The following BCAS3 variants were observed in gnomAD, a reference collection of about 807,000 sequenced individuals.
BCAS3 encodes BCAS4/BCAS3 fusion.
BCAS3 carries 53 observed loss-of-function variants against 116.1 expected under a neutral mutation model. The observed-to-expected ratio is 0.46, with a 90% CI of 0.37 to 0.57. BCAS3 has a LOEUF of 0.57. Among genes scored for constraint, BCAS3 ranks in the 20% least tolerant of loss-of-function variants. BCAS3 has a pLI of 0.00. For synonymous variants in BCAS3, 391 were observed against 408.2 expected (o/e 0.96, Z 0.51); for missense variants, 917 against 1,165.4 (o/e 0.79, Z 3.10).
intron 22 of BCAS3, among the ~76,000 whole-genome samples, chr17:61,221,133 C>A (rs1022957238): frequency 6.6e-6 from 1 of 152,144 alleles, no homozygotes; most frequent in East Asian, 1.9e-4. Flanking sequence ...ATAGTAGAAT[C>A]CCAGTGTTAC....
chr17:61,391,901 G>A lies in BCAS3; in HGVS notation c.2594-76G>A, dbSNP rs1334014996. Reference sequence around the variant, plus strand: ...AACCCAGAATGGTGCCTCAAGGCAGGCAGCCTGGCCCAGATGGTGCCCCCA... The same window carrying A: ...AACCCAGAATGGTGCCTCAAGGCAGACAGCCTGGCCCAGATGGTGCCCCCA... On this transcript the variant is annotated intron_variant, in intron 23 of 23. Transcript: ENST00000407086. The surrounding 1 kb of genome is among the most constrained non-coding windows in gnomAD (Gnocchi z 7.7). 5 of 1,517,948 alleles carry A rather than the reference G, an allele frequency of 3.3e-6. No individual in the cohort carries two copies. In the African/African-American group the frequency reaches 6.9e-5, roughly 21 times the overall value. The allele number at this position is 1,517,948 out of a possible 1,614,324, so 94.0% of individuals were successfully genotyped here. A position where few individuals can be genotyped will look rare whatever the true frequency, so the allele number is the denominator to read the frequency against.
chr17:60,997,929 T>G (rs1011810248), intron 15 of BCAS3, among the ~76,000 whole-genome samples: 3 of 152,186 alleles, frequency 2.0e-5, no homozygotes, highest in Non-Finnish European at 4.4e-5. Context: ...AGGTTGGACT[T>G]CCATTGATTC....
At chr17:60,809,593 A>C (rs1182800911) in intron 7 of BCAS3, among the ~76,000 whole-genome samples, 1 of 152,168 alleles carries the variant, frequency 6.6e-6, no homozygotes, top group Non-Finnish European at 1.5e-5. Context: ...ATTTTCGCTC[A>C]TCTCTGAGTG....
chr17:60,866,130 T>C (rs866657761), intron 7 of BCAS3, among the ~76,000 whole-genome samples: 1 of 151,842 alleles, frequency 6.6e-6, no homozygotes, highest in Non-Finnish European at 1.5e-5. Flanking sequence ...TTTTATTTGC[T>C]AATTTTTTTT....
intron 7 of BCAS3, among the ~76,000 whole-genome samples, chr17:60,831,870 A>G (rs1002366126): frequency 1.3e-5 from 2 of 151,954 alleles, no homozygotes; most frequent in Non-Finnish European, 2.9e-5. Context: ...AAGTAATGTC[A>G]TTTTTAATTT....
At chr17:61,322,800 G>GAGAGAGAGAGAGAGAGAGAGAGAC (rs1568850058) in intron 22 of BCAS3, among the ~76,000 whole-genome samples, 3 of 114,416 alleles carry the variant, frequency 2.6e-5, no homozygotes, top group Admixed American at 8.9e-5. Flanking sequence ...GAGACAGAGA[G>GAGAGAGAGAGAGAGAGAGAGAGAC]AGAGAGAGAG....
chr17:61,053,773 A>G (rs1191363949), intron 19 of BCAS3, among the ~76,000 whole-genome samples: 1 of 152,220 alleles, frequency 6.6e-6, no homozygotes, highest in Admixed American at 6.5e-5. Flanking sequence ...AAGAGTGTTT[A>G]TAGTCCATTG....
rs571240679 is a variant in BCAS3 at position 60,785,451 on chromosome 17, G to T, written c.404-22553G>T. Among the ~76,000 whole-genome samples the T allele has an allele frequency of 2.6e-5, 4 of 152,250 alleles. No homozygotes were observed. The East Asian group carries it at 7.7e-4, about 29-fold the overall frequency. ...TGGGATTACAGGAATGAGCCACTGC[G>T]CCCAGCCAGTAGTTTCCCTTTTGAA... On this transcript the variant is annotated intron_variant, in intron 6 of 23. Coordinates refer to ENST00000407086, the MANE Select transcript of BCAS3 (RefSeq NM_017679.5).
intron 17 of BCAS3, among the ~76,000 whole-genome samples, chr17:61,035,845 G>T (rs2066986302): frequency 6.6e-6 from 1 of 152,148 alleles, no homozygotes; most frequent in Non-Finnish European, 1.5e-5. Flanking sequence ...GCTGGACAAA[G>T]GATGATTCAT....
At chr17:61,090,891 G>A (rs527672068) in intron 22 of BCAS3, among the ~76,000 whole-genome samples, 31 of 152,246 alleles carry the variant, frequency 2.0e-4, no homozygotes, top group South Asian at 1.5e-3. Flanking sequence ...TCCTGACCTC[G>A]CGATCCACAT....
chr17:60,774,114 T>C (rs1015357259), intron 6 of BCAS3, among the ~76,000 whole-genome samples: 1 of 152,214 alleles, frequency 6.6e-6, no homozygotes, highest in African/African-American at 2.4e-5. Context: ...GCTCACTTGA[T>C]GTCGTTTCAC....
At chr17:60,816,298 C>T (rs535146267) in intron 7 of BCAS3, among the ~76,000 whole-genome samples, 5 of 130,758 alleles carry the variant, frequency 3.8e-5, no homozygotes, top group South Asian at 2.2e-4. Context: ...TTTTTTGAGA[C>T]GGAGTCTTGC....
At chr17:61,154,610 C>T (rs560694805) in intron 22 of BCAS3, among the ~76,000 whole-genome samples, 28 of 151,892 alleles carry the variant, frequency 1.8e-4, no homozygotes, top group Admixed American at 1.7e-3. Flanking sequence ...AATTTTTTTA[C>T]TTTTTATTTT....
At chr17:60,950,083 C>T (rs1186409703) in intron 14 of BCAS3, among the ~76,000 whole-genome samples, 1 of 151,942 alleles carries the variant, frequency 6.6e-6, no homozygotes, top group African/African-American at 2.4e-5. Flanking sequence ...AGACATTTTT[C>T]AGACAAGTTG....
chr17:61,089,714 TA>T (rs903098118), intron 22 of BCAS3, among the ~76,000 whole-genome samples: 2 of 151,728 alleles, frequency 1.3e-5, no homozygotes, highest in Admixed American at 6.6e-5. Context: ...GTATTTTTAG[TA>T]GAGTCGGGGT....
At chr17:61,311,377 T>C (rs950663852) in intron 22 of BCAS3, among the ~76,000 whole-genome samples, 1 of 152,204 alleles carries the variant, frequency 6.6e-6, no homozygotes, top group Non-Finnish European at 1.5e-5. Flanking sequence ...AGGGCACCTC[T>C]CCAAGATTGG....
chr17:60,794,735 G>T (rs2144557654), intron 6 of BCAS3, among the ~76,000 whole-genome samples: 1 of 152,162 alleles, frequency 6.6e-6, no homozygotes, highest in South Asian at 2.1e-4. Flanking sequence ...TTTATTTCTG[G>T]GTTCTCTACT....
chr17:60,942,181 T>A (rs1382706461), intron 13 of BCAS3, among the ~76,000 whole-genome samples: 1 of 152,164 alleles, frequency 6.6e-6, no homozygotes, highest in Non-Finnish European at 1.5e-5. Flanking sequence ...ACACCAGCAC[T>A]TTGGGAGGCT....
Position 61,087,331 on chromosome 17 carries a change from C to T in BCAS3, c.2425+2767C>T. Reference sequence around the variant, plus strand: ...TCATGGATTATCTTCTTAATTATTCCTATGGCACATGTTACACCTAACCCT... The same window carrying T: ...TCATGGATTATCTTCTTAATTATTCTTATGGCACATGTTACACCTAACCCT... On this transcript the variant is annotated intron_variant, in intron 22 of 23. Transcript: ENST00000407086. The surrounding 1 kb of genome is among the most constrained non-coding windows in gnomAD (Gnocchi z 4.6). 1 of 497,090 alleles carries T rather than the reference C, an allele frequency of 2.0e-6. No individual in the cohort carries two copies. 30.8% of individuals were successfully genotyped at this position (497,090 alleles called of 1,614,324 possible).
Sources: allele counts gnomAD v4.1 joint callset (sites outside exome capture counted in the v4.1 genomes callset), GRCh38; gene constraint gnomAD v4.1.1; non-coding constraint Gnocchi (gnomAD v3.1); transcripts MANE v1.5; gene names NCBI Gene and HGNC (gene_info 2026-07-23, HGNC 2026-07-21).